The following ERC2 variants were observed in gnomAD, a reference collection of about 807,000 sequenced individuals.
The protein encoded by ERC2 is ERC protein 2.
A neutral mutation model predicts 114.8 loss-of-function variants in ERC2; 42 were observed. That is an observed-to-expected ratio of 0.37 (90% confidence interval 0.29 to 0.47). The LOEUF (loss-of-function observed/expected upper bound fraction) is 0.47, where lower values mean the gene tolerates loss of function less well. Ranked by LOEUF, ERC2 falls within the 20% of genes least tolerant of loss-of-function variation. The pLI is 0.99. For synonymous variants in ERC2, 454 were observed against 425.5 expected, an observed-to-expected ratio of 1.07 and a Z score of -0.82; for missense variants, 939 against 1,150.7, an observed-to-expected ratio of 0.82 and a Z score of 2.66.
At chr3:55,675,196 A>G (rs2061730078) in intron 17 of ERC2, among the ~76,000 whole-genome samples, 1 of 152,218 alleles carries the variant, frequency 6.6e-6, no homozygotes, top group Non-Finnish European at 1.5e-5. Flanking sequence ...TATATTTCCC[A>G]GAAAACAAAG....
At chr3:56,436,598 C>A (rs2062029802) in intron 1 of ERC2, among the ~76,000 whole-genome samples, 1 of 152,160 alleles carries the variant, frequency 6.6e-6, no homozygotes, top group South Asian at 2.1e-4. Context: ...CTTCACTCCA[C>A]CATCCTGGAT....
At chr3:55,573,929 C>T (rs999437324) in intron 17 of ERC2, among the ~76,000 whole-genome samples, 2 of 152,134 alleles carry the variant, frequency 1.3e-5, no homozygotes, top group Admixed American at 6.5e-5. Context: ...CGCTTCTCCT[C>T]ATCACCAAAC....
intron 3 of ERC2, among the ~76,000 whole-genome samples, chr3:56,184,799 T>C (rs900229703): frequency 2.0e-5 from 3 of 152,212 alleles, no homozygotes; most frequent in Non-Finnish European, 4.4e-5. Flanking sequence ...ACCCCACTCA[T>C]TTTGAATGAC....
At chr3:55,704,040 G>A (rs919297263) in intron 15 of ERC2, among the ~76,000 whole-genome samples, 1 of 152,174 alleles carries the variant, frequency 6.6e-6, no homozygotes, top group African/African-American at 2.4e-5. Context: ...GGGGGAGCAG[G>A]AGCCTTTAGA....
At chr3:55,967,649 G>C (rs1003975082) in intron 12 of ERC2, among the ~76,000 whole-genome samples, 1 of 152,156 alleles carries the variant, frequency 6.6e-6, no homozygotes, top group African/African-American at 2.4e-5. Flanking sequence ...ATCTGCTGTG[G>C]TTTAAATGTG....
chr3:56,213,438 C>T (rs6805098), intron 3 of ERC2, among the ~76,000 whole-genome samples: 68,979 of 152,020 alleles, frequency 0.45, 16,121 homozygotes, highest in East Asian at 0.71. Flanking sequence ...AGTCTGAGAT[C>T]AAAGTGCAAG....
At chr3:56,203,875 A>T (rs6802107) in intron 3 of ERC2, among the ~76,000 whole-genome samples, 140,044 of 152,300 alleles carry the variant, frequency 0.92, 64,782 homozygotes, top group East Asian at 1. Context: ...GAGATGTCTT[A>T]CATTGCTTTA....
At chr3:55,712,533 G>C (rs2063827961) in intron 15 of ERC2, among the ~76,000 whole-genome samples, 1 of 152,190 alleles carries the variant, frequency 6.6e-6, no homozygotes. Context: ...GCATGCAAAT[G>C]CCACTCATGC....
At chr3:55,711,497 G>A (rs2063775709) in intron 15 of ERC2, among the ~76,000 whole-genome samples, 1 of 152,128 alleles carries the variant, frequency 6.6e-6, no homozygotes, top group South Asian at 2.1e-4. Context: ...AGAACATAGA[G>A]AGCTTCCTCA....
intron 3 of ERC2, among the ~76,000 whole-genome samples, chr3:56,207,250 TC>T (rs2048794060): frequency 6.6e-6 from 1 of 152,110 alleles, no homozygotes. Flanking sequence ...AATAACCTTT[TC>T]CCTAATTACA....
At chr3:56,431,689 T>C (rs2061795805) in intron 2 of ERC2, among the ~76,000 whole-genome samples, 1 of 152,198 alleles carries the variant, frequency 6.6e-6, no homozygotes. Flanking sequence ...TTTAATAGCT[T>C]GTTTTTTGTC....
chr3:55,644,691 A>G (rs1169361095), intron 17 of ERC2, among the ~76,000 whole-genome samples: 1 of 152,016 alleles, frequency 6.6e-6, no homozygotes, highest in African/African-American at 2.4e-5. Flanking sequence ...TAAATAATAT[A>G]TAATTTGGAG....
At chr3:56,274,861 C>A (rs2053894001) in intron 3 of ERC2, among the ~76,000 whole-genome samples, 1 of 152,198 alleles carries the variant, frequency 6.6e-6, no homozygotes, top group South Asian at 2.1e-4. Context: ...CTGGAGCAAT[C>A]TGTTTATTCC....
At chr3:55,875,475 C>G (rs1364278956) in intron 14 of ERC2, among the ~76,000 whole-genome samples, 2 of 152,176 alleles carry the variant, frequency 1.3e-5, no homozygotes. Flanking sequence ...ACCAAAAGAT[C>G]AAGTCAAACA....
intron 14 of ERC2, among the ~76,000 whole-genome samples, chr3:55,776,524 G>A (rs1464854288): frequency 6.6e-6 from 1 of 152,192 alleles, no homozygotes; most frequent in Non-Finnish European, 1.5e-5. Flanking sequence ...TTGGGAACTC[G>A]AGACCAGAGG....
intron 7 of ERC2, among the ~76,000 whole-genome samples, chr3:56,022,430 A>C (rs11130494): frequency 0.27 from 41,732 of 152,104 alleles, 6,309 homozygotes; most frequent in Admixed American, 0.34. Context: ...TGACTTTTGA[A>C]CAATAAGTTT....
At chr3:56,246,272 T>C (rs1276265449) in intron 3 of ERC2, among the ~76,000 whole-genome samples, 1 of 151,922 alleles carries the variant, frequency 6.6e-6, no homozygotes, top group Non-Finnish European at 1.5e-5. Context: ...ATAACCGTGT[T>C]GTCGAGGGGC....
At position 56,042,350 on chromosome 3, in the gene ERC2, G is replaced by A. The variant is rs148353626; in HGVS notation, c.1642-23319C>T. Among the ~76,000 whole-genome samples the A allele has an allele frequency of 4.1e-3, 629 of 152,302 alleles. 2 individuals are homozygous for A. Among genetic ancestry groups the A allele is most frequent in the African/African-American group, 0.013 (556 of 41,570 alleles). ...TTGGCTGAAATGCCAAACACAAAGC[G>A]AAGAAGAGGAGCTTCCTAATACCAC... is the stretch of plus-strand genomic sequence containing the variant. On this transcript the variant is annotated intron_variant, in intron 7 of 17. Transcript: ENST00000288221.
chr3:56,362,025 C>A (rs2058976397), intron 2 of ERC2, among the ~76,000 whole-genome samples: 1 of 152,162 alleles, frequency 6.6e-6, no homozygotes, highest in African/African-American at 2.4e-5. Flanking sequence ...CATACCTTCC[C>A]ATTGATGGAG....
Sources: allele counts gnomAD v4.1 joint callset (sites outside exome capture counted in the v4.1 genomes callset), GRCh38; gene constraint gnomAD v4.1.1; transcripts MANE v1.5; gene names NCBI Gene and HGNC (gene_info 2026-07-23, HGNC 2026-07-21).